The following ASH1L variants were observed in gnomAD, a reference collection of about 807,000 sequenced individuals.
ASH1L encodes ASH1 like histone lysine methyltransferase, also known as histone-lysine N-methyltransferase ASH1L.
In ASH1L, 23 loss-of-function variants were observed where a neutral mutation model predicts 269.0. The ratio of observed to expected loss-of-function variants is 0.09; its 90% CI spans 0.06 to 0.12. The LOEUF (loss-of-function observed/expected upper bound fraction) is 0.12. ASH1L is among the 10% of genes least tolerant of loss of function. The probability of loss-of-function intolerance (pLI) is 1.00; values close to 1 mark genes in which losing one functional copy is unlikely to be tolerated. For synonymous variants in ASH1L, 1,187 were observed against 1,253.5 expected, an observed-to-expected ratio of 0.95 and a Z score of 1.12; for missense variants, 2,912 against 3,567.8, an observed-to-expected ratio of 0.82 and a Z score of 4.68.
intron 15 of ASH1L, among the ~76,000 whole-genome samples, chr1:155,355,999 G>T (rs188944417): frequency 6.6e-6 from 1 of 150,624 alleles, no homozygotes; most frequent in Non-Finnish European, 1.5e-5. Flanking sequence ...GTGCAATGGC[G>T]TGATCTTGGT....
At chr1:155,418,888 C>G (rs987207273) in intron 5 of ASH1L, among the ~76,000 whole-genome samples, 3 of 151,038 alleles carry the variant, frequency 2.0e-5, no homozygotes, top group Non-Finnish European at 4.4e-5. Context: ...GCTAACACGG[C>G]GAAACCCCGA....
chr1:155,497,673 G>C (rs1311390006), intron 2 of ASH1L, among the ~76,000 whole-genome samples: 1 of 152,028 alleles, frequency 6.6e-6, no homozygotes, highest in Non-Finnish European at 1.5e-5. Flanking sequence ...TGTGGAGTTG[G>C]TGCCCATAAC....
At chr1:155,467,747 T>C (rs1664793378) in intron 3 of ASH1L, among the ~76,000 whole-genome samples, 2 of 152,128 alleles carry the variant, frequency 1.3e-5, no homozygotes, top group Admixed American at 1.3e-4. Flanking sequence ...CCAACACTTA[T>C]GAGGAATCCA....
intron 5 of ASH1L, among the ~76,000 whole-genome samples, chr1:155,431,892 G>A (rs1661637990): frequency 6.6e-6 from 1 of 152,132 alleles, no homozygotes; most frequent in East Asian, 1.9e-4. Context: ...TGGGATTACA[G>A]GTGTGAGCCA....
chr1:155,512,656 T>C (rs1463889967), intron 2 of ASH1L, among the ~76,000 whole-genome samples: 2 of 151,590 alleles, frequency 1.3e-5, no homozygotes, highest in Non-Finnish European at 1.5e-5. Context: ...TTCACCATAT[T>C]GTTCAGGCTG....
intron 1 of ASH1L, among the ~76,000 whole-genome samples, chr1:155,527,003 T>C (rs942084480): frequency 1.3e-5 from 2 of 152,168 alleles, no homozygotes; most frequent in African/African-American, 4.8e-5. Context: ...GGTCAGATAC[T>C]CAAGACCAGC....
In ASH1L at chr1:155,479,645, T is replaced by C. The variant is rs1665814879; in HGVS notation, c.3225A>G (p.Gln1075=). The C allele has an allele frequency of 6.2e-7, 1 of 1,614,192 alleles. No individual in the cohort carries two copies. The highest frequency in any genetic ancestry group is 8.5e-7 in the Non-Finnish European group (1 of 1,180,016). ...GSPTSLAVLE[Q]TAQQAAGSAL... ...CTGACCCAGCTGCCTGTTGAGCTGTTTGCTCAAGAACAGCAAGGCTAGTAG... is the reference window on the plus strand; with the variant it reads ...CTGACCCAGCTGCCTGTTGAGCTGTCTGCTCAAGAACAGCAAGGCTAGTAG... The change falls in exon 3 of 28, where the codon CAA becomes CAG. Residue 1075 remains glutamine, a synonymous_variant. Transcript: ENST00000392403.
chr1:155,347,309 A>C (rs1653438827), intron 20 of ASH1L, among the ~76,000 whole-genome samples: 1 of 152,152 alleles, frequency 6.6e-6, no homozygotes, highest in Non-Finnish European at 1.5e-5. Context: ...CGAGAGGCTG[A>C]GGTGGGAGGA....
intron 10 of ASH1L, among the ~76,000 whole-genome samples, chr1:155,375,831 C>T (rs1270125337): frequency 6.6e-6 from 1 of 151,554 alleles, no homozygotes; most frequent in African/African-American, 2.4e-5. Context: ...ACAGTCGCAC[C>T]CCAGCCAGCT....
At chr1:155,454,455 C>A (rs1266694888) in intron 4 of ASH1L, among the ~76,000 whole-genome samples, 3 of 152,152 alleles carry the variant, frequency 2.0e-5, no homozygotes, top group Non-Finnish European at 4.4e-5. Flanking sequence ...ATCATTTCAG[C>A]ATTCGGTTAT....
In ASH1L at chr1:155,481,007, ACTATGACCAACTGAC is replaced by A. The variant is rs767375134; in HGVS notation, c.1848_1862del (p.Arg616_His620del). On this transcript the variant is annotated inframe_deletion, in exon 3 of 28. Transcript: ENST00000392403. ...CAATCCCTTTACATTCAATACTTAT[ACTATGACCAACTGAC>A]CTATGACCAACGTTCAAGTGGGTAC... 6.2e-7 allele frequency: 1 copy of A among 1,614,070 alleles called. No homozygotes were observed. Among genetic ancestry groups the A allele is most frequent in the East Asian group, 2.2e-5 (1 of 44,876 alleles).
At chr1:155,397,519 G>C (rs182145852) in intron 6 of ASH1L, among the ~76,000 whole-genome samples, 23 of 149,816 alleles carry the variant, frequency 1.5e-4, no homozygotes, top group Middle Eastern at 3.5e-3. Flanking sequence ...AAAAAAGAAA[G>C]AAAGATTGCC....
chr1:155,348,911 T>TAC lies in ASH1L; in HGVS notation c.7554+414_7554+415dup, dbSNP rs59676231. Reference sequence around the variant, plus strand: ...AAAAAAAAAAAAAAATATATATATATACACACACACACACACACACACACA... The same window carrying TAC: ...AAAAAAAAAAAAAAATATATATATATACACACACACACACACACACACACACA... On this transcript the variant is annotated intron_variant, in intron 19 of 27. Transcript: ENST00000392403. Among the ~76,000 whole-genome samples, 1,135 of 140,364 alleles carry TAC rather than the reference T, an allele frequency of 8.1e-3. 13 individuals are homozygous for TAC. The highest frequency in any genetic ancestry group is 0.017 in the South Asian group (74 of 4,454). The allele number at this position is 140,364 out of a possible 152,430, so 92.1% of individuals were successfully genotyped here.
At chr1:155,428,538 C>T (rs1401176452) in intron 5 of ASH1L, among the ~76,000 whole-genome samples, 1 of 152,172 alleles carries the variant, frequency 6.6e-6, no homozygotes, top group Non-Finnish European at 1.5e-5. Flanking sequence ...ATCTCTTCAG[C>T]ACTGTGACAT....
chr1:155,457,855 A>G (rs1191730864), intron 4 of ASH1L, among the ~76,000 whole-genome samples: 3 of 152,168 alleles, frequency 2.0e-5, no homozygotes, highest in Non-Finnish European at 4.4e-5. Context: ...TTCAACATTG[A>G]TATGTCCCTT....
At chr1:155,337,866 A>G (rs1652440229) in intron 27 of ASH1L, 115 bp from the exon 28 acceptor site, 1 of 1,135,254 alleles carries the variant, frequency 8.8e-7, no homozygotes, top group Non-Finnish European at 1.3e-6. Flanking sequence ...CCTATAAGCA[A>G]TTTAGCCCAT....
intron 1 of ASH1L, among the ~76,000 whole-genome samples, chr1:155,559,534 CA>C (rs71270465): frequency 0.014 from 1,224 of 84,968 alleles, 9 homozygotes; most frequent in African/African-American, 0.051. Context: ...AACTCAGTCT[CA>C]AAAAAAAAAA....
chr1:155,550,496 T>A (rs987933571), intron 1 of ASH1L, among the ~76,000 whole-genome samples: 1 of 152,200 alleles, frequency 6.6e-6, no homozygotes, highest in Non-Finnish European at 1.5e-5. Context: ...CCTATCACTA[T>A]TCCCCCCTTT....
chr1:155,454,976 A>C (rs1663773105), intron 4 of ASH1L, among the ~76,000 whole-genome samples: 1 of 152,144 alleles, frequency 6.6e-6, no homozygotes. Flanking sequence ...CTCTCTCATC[A>C]ATGTAACAAT....
Sources: allele counts gnomAD v4.1 joint callset (sites outside exome capture counted in the v4.1 genomes callset), GRCh38; gene constraint gnomAD v4.1.1; transcripts MANE v1.5; gene names NCBI Gene and HGNC (gene_info 2026-07-23, HGNC 2026-07-21).